MPPED1: variants seen among roughly 807,000 people sequenced by gnomAD.
MPPED1 encodes the protein metallophosphoesterase domain-containing protein 1.
In MPPED1, 16 loss-of-function variants were observed where a neutral mutation model predicts 36.2. The observed-to-expected ratio is 0.44, with a 90% confidence interval of 0.30 to 0.67. The LOEUF is 0.67. Among genes scored for constraint, MPPED1 ranks in the 30% least tolerant of loss-of-function variants. The pLI, the probability that MPPED1 is intolerant of heterozygous loss-of-function variation, is 0.10. For missense variants in MPPED1, 307 were observed against 453.4 expected, an observed-to-expected ratio of 0.68 and a Z score of 2.93; for synonymous variants, 199 against 191.3, an observed-to-expected ratio of 1.04 and a Z score of -0.33.
intron 4 of MPPED1, among the ~76,000 whole-genome samples, chr22:43,486,647 C>G (rs1439649707): frequency 6.6e-6 from 1 of 152,018 alleles, no homozygotes; most frequent in Non-Finnish European, 1.5e-5. Context: ...CCTTCTTCCT[C>G]CACAGGACCT....
intron 3 of MPPED1, among the ~76,000 whole-genome samples, chr22:43,469,598 G>A (rs1009144614): frequency 2.4e-4 from 27 of 114,724 alleles, no homozygotes; most frequent in Admixed American, 1.8e-4. Flanking sequence ...GGCCATGCTG[G>A]GACTTCCGTT....
intron 3 of MPPED1, among the ~76,000 whole-genome samples, chr22:43,457,621 A>G (rs1930799916): frequency 6.6e-6 from 1 of 152,056 alleles, no homozygotes; most frequent in East Asian, 1.9e-4. Flanking sequence ...TTTGTGTTAA[A>G]TAGATATTTT....
In MPPED1 at chr22:43,502,094, G is replaced by C. The variant is rs940016439; in HGVS notation, c.749-550G>C. ...CTCCAGGAGGCTGGCAGCGGGGGCAGGCGCAGGCGCAGCCACGTGAGCGAT... is the reference window on the plus strand; with the variant it reads ...CTCCAGGAGGCTGGCAGCGGGGGCACGCGCAGGCGCAGCCACGTGAGCGAT... On this transcript the variant is annotated intron_variant, in intron 5 of 6. Transcript: ENST00000443721. This position sits in a 1 kb window ranked among gnomAD's most constrained non-coding sequence, Gnocchi z 5.5. Among the ~76,000 whole-genome samples, 3 of 152,170 alleles carry C rather than the reference G, an allele frequency of 2.0e-5. No homozygotes were observed. The highest frequency in any genetic ancestry group is 4.4e-5 in the Non-Finnish European group (3 of 68,030).
chr22:43,471,942 G>A (rs1931391763), intron 3 of MPPED1, among the ~76,000 whole-genome samples: 1 of 151,600 alleles, frequency 6.6e-6, no homozygotes, highest in Admixed American at 6.6e-5. Context: ...AGCCTGACTG[G>A]AAGAACCTCG....
intron 3 of MPPED1, among the ~76,000 whole-genome samples, chr22:43,435,923 G>A (rs781414904): frequency 3.9e-5 from 6 of 152,184 alleles, no homozygotes; most frequent in Non-Finnish European, 8.8e-5. Flanking sequence ...GTGACACACA[G>A]AATGGTGGTG....
chr22:43,485,206 A>G (rs1602005643), intron 4 of MPPED1, among the ~76,000 whole-genome samples: 2 of 152,056 alleles, frequency 1.3e-5, no homozygotes, highest in Non-Finnish European at 1.5e-5. Flanking sequence ...ATACACCTAC[A>G]CACACATTCA....
rs575767853 is a variant in MPPED1, at chr22:43,442,059, T to A, written c.406+6844T>A. Among the ~76,000 whole-genome samples, 5 of 152,190 alleles carry A rather than the reference T, an allele frequency of 3.3e-5. No homozygotes were observed. In the South Asian group the frequency reaches 1.0e-3, roughly 32 times the overall value. On this transcript the variant is annotated intron_variant, in intron 3 of 6. Transcript: ENST00000443721. ...CAGGCATGGTAATTAGGATCATGTG[T>A]GGGAAACAAGTACTTTCTGGTGCAA... is the stretch of plus-strand genomic sequence containing the variant.
At chr22:43,463,441 C>A (rs560328384) in intron 3 of MPPED1, among the ~76,000 whole-genome samples, 49 of 151,686 alleles carry the variant, frequency 3.2e-4, no homozygotes, top group Non-Finnish European at 6.8e-4. Context: ...AAGCTGTCCT[C>A]CCACCTCAGC....
chr22:43,426,568 C>T (rs373726324), intron 2 of MPPED1, among the ~76,000 whole-genome samples: 8 of 152,186 alleles, frequency 5.3e-5, no homozygotes, highest in East Asian at 3.9e-4. Flanking sequence ...TCGGACCACT[C>T]GGAGAAGGAG....
At chr22:43,479,051 G>GGT (rs931761158) in intron 4 of MPPED1, among the ~76,000 whole-genome samples, 34 of 152,148 alleles carry the variant, frequency 2.2e-4, no homozygotes, top group African/African-American at 8.0e-4. Flanking sequence ...GATCCTGCCT[G>GGT]GTGTCGAGTG....
intron 3 of MPPED1, among the ~76,000 whole-genome samples, chr22:43,448,914 A>G (rs1008367501): frequency 6.6e-6 from 1 of 151,986 alleles, no homozygotes; most frequent in Non-Finnish European, 1.5e-5. Context: ...ATTTGTTTTT[A>G]ATAGCTAAGG....
intron 5 of MPPED1, among the ~76,000 whole-genome samples, chr22:43,500,804 C>G (rs1932710763): frequency 1.3e-5 from 2 of 151,920 alleles, no homozygotes; most frequent in Admixed American, 6.6e-5. Context: ...GGGACACATT[C>G]GGGGGTGAGG....
In MPPED1 at chr22:43,475,054, G is replaced by C. The variant is rs893326668; in HGVS notation, c.632+93G>C. 33 of 1,134,972 alleles carry C rather than the reference G, an allele frequency of 2.9e-5. 2 individuals are homozygous for C. The Admixed American group carries it at 4.2e-4, about 15-fold the overall frequency. 70.3% of individuals were successfully genotyped at this position (1,134,972 alleles called of 1,614,324 possible). A position where few individuals can be genotyped will look rare whatever the true frequency, so the allele number is the denominator to read the frequency against. On this transcript the variant is annotated intron_variant, in intron 4 of 6. Transcript: ENST00000443721. ...TAGGGGATGGGAGTAGCAGCAGGGA[G>C]CTCCGGATGCGAGGCTCAGGACTGA... is the stretch of plus-strand genomic sequence containing the variant.
In MPPED1 at chr22:43,443,587, G is replaced by A. The variant is rs550864006; in HGVS notation, c.406+8372G>A. Among the ~76,000 whole-genome samples, 7 of 152,222 alleles carry A rather than the reference G, an allele frequency of 4.6e-5. No homozygotes were observed. The East Asian group carries it at 1.3e-3, about 29-fold the overall frequency. On this transcript the variant is annotated intron_variant, in intron 3 of 6. Coordinates refer to ENST00000443721, the MANE Select transcript of MPPED1 (RefSeq NM_001044370.2). ...TGGTATACTTAGGGCCTGGCAGCCT[G>A]GCATGAGGTGGGCATTTGACAAATA... is the stretch of plus-strand genomic sequence containing the variant.
chr22:43,420,340 C>G (rs1443916902), intron 1 of MPPED1, among the ~76,000 whole-genome samples: 1 of 152,162 alleles, frequency 6.6e-6, no homozygotes, highest in Admixed American at 6.5e-5. Context: ...TCCCCTCCCT[C>G]TGCCCAGGTT....
chr22:43,417,999 C>T (rs1448713180), intron 1 of MPPED1: 1 of 454,902 alleles, frequency 2.2e-6, no homozygotes. Flanking sequence ...CTTAATAAGA[C>T]AGTCGTTTCT....
At chr22:43,414,775 C>T (rs1381831229) in intron 1 of MPPED1, among the ~76,000 whole-genome samples, 1 of 152,156 alleles carries the variant, frequency 6.6e-6, no homozygotes, top group Non-Finnish European at 1.5e-5. Flanking sequence ...CGAATTCCCC[C>T]TTTCCATTCT....
intron 4 of MPPED1, among the ~76,000 whole-genome samples, chr22:43,481,306 T>C (rs1387660621): frequency 6.6e-6 from 1 of 152,188 alleles, no homozygotes; most frequent in African/African-American, 2.4e-5. Flanking sequence ...CTACCACCCT[T>C]ATCTGACACG....
intron 3 of MPPED1, among the ~76,000 whole-genome samples, chr22:43,456,097 G>A (rs181104708): frequency 6.6e-6 from 1 of 152,330 alleles, no homozygotes; most frequent in Non-Finnish European, 1.5e-5. Flanking sequence ...AATAGAGACA[G>A]TTTTATTTCT....
Sources: gnomAD v4.1 joint callset for allele counts (sites outside exome capture counted in the v4.1 genomes callset) on GRCh38, gnomAD v4.1.1 for gene constraint, Gnocchi (gnomAD v3.1) non-coding constraint, MANE v1.5 for transcripts, NCBI Gene and HGNC (gene_info 2026-07-23, HGNC 2026-07-21) for gene names.